MTHFD1L: variants seen among roughly 807,000 people sequenced by gnomAD.
MTHFD1L encodes monofunctional C1-tetrahydrofolate synthase, mitochondrial.
In MTHFD1L, 81 loss-of-function variants were observed where a neutral mutation model predicts 119.5. The observed-to-expected ratio is 0.68, with a 90% CI of 0.57 to 0.82. MTHFD1L has a LOEUF of 0.82. MTHFD1L is among the 40% of genes least tolerant of loss of function. MTHFD1L has a pLI of 0.00. For missense variants in MTHFD1L, 1,125 were observed against 1,253.4 expected (o/e 0.90, Z 1.55); for synonymous variants, 430 against 475.2 (o/e 0.90, Z 1.24).
At chr6:150,971,228 G>C (rs1443089558) in intron 19 of MTHFD1L, among the ~76,000 whole-genome samples, 1 of 151,572 alleles carries the variant, frequency 6.6e-6, no homozygotes, top group Non-Finnish European at 1.5e-5. Context: ...AGTCAGAGTC[G>C]GTCTGTCACC....
At chr6:150,934,826 G>A (rs1467548240) in intron 11 of MTHFD1L, 30 of 1,082,698 alleles carry the variant, frequency 2.8e-5, no homozygotes, top group South Asian at 9.6e-5. Context: ...CTTATCCCTC[G>A]TAGAAATGCC....
At chr6:151,059,811 A>C (rs957922406) in intron 26 of MTHFD1L, among the ~76,000 whole-genome samples, 3 of 152,172 alleles carry the variant, frequency 2.0e-5, no homozygotes, top group African/African-American at 7.2e-5. Flanking sequence ...TGGTAAGGGA[A>C]GGCTCTAACT....
chr6:150,918,554 T>G, intron 8 of MTHFD1L, 23 bp from the exon 9 acceptor site: 1 of 1,565,470 alleles, frequency 6.4e-7, no homozygotes, highest in Non-Finnish European at 8.8e-7. Context: ...GAAAGTCTTT[T>G]TTTTCCCTCC....
At chr6:151,059,053 A>C (rs1181596105) in intron 26 of MTHFD1L, among the ~76,000 whole-genome samples, 2 of 152,078 alleles carry the variant, frequency 1.3e-5, no homozygotes, top group Non-Finnish European at 2.9e-5. Flanking sequence ...AGGCTGGAGC[A>C]GTGGTAAGCG....
At chr6:150,921,971 A>C (rs1174436323) in intron 9 of MTHFD1L, among the ~76,000 whole-genome samples, 1 of 152,238 alleles carries the variant, frequency 6.6e-6, no homozygotes, top group African/African-American at 2.4e-5. Flanking sequence ...CAAACTCTTC[A>C]GTGCGATATT....
intron 10 of MTHFD1L, among the ~76,000 whole-genome samples, chr6:150,925,400 G>T (rs1789759966): frequency 6.6e-6 from 1 of 152,134 alleles, no homozygotes; most frequent in African/African-American, 2.4e-5. Context: ...CATTACACAT[G>T]CTGGTATCCA....
intron 8 of MTHFD1L, among the ~76,000 whole-genome samples, chr6:150,907,789 G>A (rs1400038140): frequency 1.3e-5 from 2 of 152,122 alleles, no homozygotes; most frequent in Non-Finnish European, 2.9e-5. Context: ...GATTCTATAA[G>A]TAGAATTTAT....
intron 20 of MTHFD1L, among the ~76,000 whole-genome samples, chr6:151,005,729 G>A (rs1398127089): frequency 1.3e-5 from 2 of 152,074 alleles, no homozygotes; most frequent in East Asian, 1.9e-4. Context: ...AGCTGTGATC[G>A]TGCCATTGCA....
intron 6 of MTHFD1L, 25 bp downstream of exon 6, chr6:150,885,759 G>T: frequency 6.6e-7 from 1 of 1,519,860 alleles, no homozygotes; most frequent in Non-Finnish European, 9.1e-7. Flanking sequence ...GAGAAATGCC[G>T]CTGATTTCTA....
chr6:150,897,123 A>G (rs1191089403), intron 7 of MTHFD1L, among the ~76,000 whole-genome samples: 2 of 152,132 alleles, frequency 1.3e-5, no homozygotes, highest in African/African-American at 4.8e-5. Context: ...TCTAAAAAAA[A>G]GCCGGTTGGG....
intron 5 of MTHFD1L, among the ~76,000 whole-genome samples, chr6:150,884,542 A>G (rs73011397): frequency 0.044 from 6,745 of 152,262 alleles, 176 homozygotes; most frequent in Non-Finnish European, 0.064. Flanking sequence ...GCACTAATCC[A>G]TGAGAAAACT....
chr6:151,034,437 A>T lies in MTHFD1L; in HGVS notation c.2587-56A>T, dbSNP rs1785813110. On this transcript the variant is annotated intron_variant, in intron 24 of 27. Transcript: ENST00000367321. ...CAGAACATCTCACTAAAGTTTTTAAAAAATCTTTAACCAGATTAAACTTAT... is the reference window on the plus strand; with the variant it reads ...CAGAACATCTCACTAAAGTTTTTAATAAATCTTTAACCAGATTAAACTTAT... 2.4e-6 allele frequency: 3 copies of T among 1,273,456 alleles called. No individual in the cohort carries two copies. In the Admixed American group the frequency reaches 5.4e-5, roughly 23 times the overall value. The allele number at this position is 1,273,456 out of a possible 1,614,324, so 78.9% of individuals were successfully genotyped here.
At chr6:151,036,154 C>T (rs1031827803) in intron 25 of MTHFD1L, among the ~76,000 whole-genome samples, 14 of 152,222 alleles carry the variant, frequency 9.2e-5, no homozygotes, top group African/African-American at 3.4e-4. Flanking sequence ...ACGGTGCTCA[C>T]ACCTGTAATC....
intron 7 of MTHFD1L, among the ~76,000 whole-genome samples, chr6:150,893,643 G>A (rs1041039661): frequency 6.6e-6 from 1 of 152,186 alleles, no homozygotes; most frequent in Admixed American, 6.5e-5. Context: ...AGGGTGAAAG[G>A]TTTGGGCATC....
chr6:150,886,834 A>T (rs970485131), intron 6 of MTHFD1L, among the ~76,000 whole-genome samples: 28 of 149,968 alleles, frequency 1.9e-4, no homozygotes, highest in South Asian at 6.3e-4. Context: ...ACCAAAAAAA[A>T]TTTTTTTTTT....
chr6:151,014,986 T>A lies in MTHFD1L; in HGVS notation c.2408+6T>A. 6.2e-7 allele frequency: 1 copy of A among 1,611,378 alleles called. No individual in the cohort carries two copies. Among genetic ancestry groups the A allele is most frequent in the Non-Finnish European group, 8.5e-7 (1 of 1,177,834 alleles). ...GTGGCTCTGAATGTCTTCAAGTAAG[T>A]CCAGCCTCCTCCTTTAAATGTGGGC... On this transcript the variant is annotated splice_donor_region_variant and intron_variant, in intron 23 of 27. Coordinates refer to ENST00000367321, the MANE Select transcript of MTHFD1L (RefSeq NM_015440.5).
chr6:151,021,434 G>A (rs1265483495), intron 24 of MTHFD1L, among the ~76,000 whole-genome samples: 3 of 152,162 alleles, frequency 2.0e-5, no homozygotes, highest in African/African-American at 7.2e-5. Flanking sequence ...TGTAGTCCCA[G>A]CTACTCGGGA....
intron 11 of MTHFD1L, among the ~76,000 whole-genome samples, chr6:150,936,256 C>T (rs1171131158): frequency 2.6e-5 from 4 of 152,160 alleles, no homozygotes; most frequent in Non-Finnish European, 5.9e-5. Flanking sequence ...AGGTCATGAC[C>T]TTATCACCAT....
chr6:150,967,788 A>G (rs940270057), intron 19 of MTHFD1L, among the ~76,000 whole-genome samples: 1 of 152,192 alleles, frequency 6.6e-6, no homozygotes, highest in Admixed American at 6.5e-5. Flanking sequence ...GCACGAGTGC[A>G]GCAGCCTCCC....
Sources: gnomAD v4.1 joint callset for allele counts (sites outside exome capture counted in the v4.1 genomes callset) on GRCh38, gnomAD v4.1.1 for gene constraint, MANE v1.5 for transcripts, NCBI Gene and HGNC (gene_info 2026-07-23, HGNC 2026-07-21) for gene names.